Variants in CGA observed in about 807,000 individuals in gnomAD.
CGA encodes glycoprotein hormones, alpha polypeptide.
In CGA, 4 loss-of-function variants were observed where a neutral mutation model predicts 12.0. The observed-to-expected ratio is 0.33, with a 90% confidence interval of 0.16 to 0.76. The LOEUF (loss-of-function observed/expected upper bound fraction) is 0.76. Among genes scored for constraint, CGA ranks in the 30% least tolerant of loss-of-function variants. The probability of loss-of-function intolerance (pLI) is 0.60; values close to 1 mark genes in which losing one functional copy is unlikely to be tolerated. For synonymous variants in CGA, 60 were observed against 56.6 expected, an observed-to-expected ratio of 1.06 and a Z score of -0.27; for missense variants, 102 against 143.5, an observed-to-expected ratio of 0.71 and a Z score of 1.48.
At chr6:87,086,152 T>G (rs1582318357) in intron 3 of CGA, 98 bp downstream of exon 3, 153 of 1,083,870 alleles carry the variant, frequency 1.4e-4, no homozygotes, top group Admixed American at 4.5e-5. Context: ...AGAGGCTGGG[T>G]CATTAGACAC....
rs921992448 is a variant in CGA at position 87,088,128 on chromosome 6, C to T, written c.73G>A (p.Ala25Thr). Residue 25 changes from alanine to threonine, a missense_variant, in exon 2 of 4, where the codon GCT (alanine) becomes ACT (threonine). Transcript: ENST00000627148. Reference protein sequence around the residue: ...LSVFLHVLHSAPDVQDCPECT... With the variant: ...LSVFLHVLHSTPDVQDCPECT... The stretch of plus-strand genomic sequence containing the variant: ...GGTCACGCACCCTGCACATCAGGAG[C>T]GGAATGGAGAACATGCAGAAACACC... 1.3e-5 allele frequency: 21 copies of T among 1,592,074 alleles called. No homozygotes were observed. Among genetic ancestry groups the T allele is most frequent in the South Asian group, 3.4e-5 (3 of 88,610 alleles).
In CGA at chr6:87,086,328, T is replaced by C. The variant is rs781108998; in HGVS notation, c.195A>G (p.Leu65=). 25 of 1,613,978 alleles carry C rather than the reference T, an allele frequency of 1.5e-5. No individual in the cohort carries two copies. The Admixed American group carries it at 4.0e-4, about 26-fold the overall frequency. The change falls in exon 3 of 4, where the codon CTA becomes CTG. Residue 65 remains leucine (L), a synonymous_variant. Coordinates refer to ENST00000627148, the MANE Select transcript of CGA (RefSeq NM_000735.4). ...GGACCAACATCGTCTTCTTGGACCT[T>C]AGTGGAGTGGGATATGCTCTAGAGA... ...CCFSRAYPTP[L]RSKKTMLVQK... is the part of the protein sequence containing the mutation.
chr6:87,090,857 A>G (rs941580672), intron 1 of CGA, among the ~76,000 whole-genome samples: 28 of 148,702 alleles, frequency 1.9e-4, no homozygotes, highest in African/African-American at 7.0e-4. Context: ...CATATTGGCC[A>G]GGCTGGTCTC....
intron 1 of CGA, among the ~76,000 whole-genome samples, chr6:87,092,012 A>G (rs1769441487): frequency 2.0e-5 from 3 of 152,170 alleles, no homozygotes; most frequent in Admixed American, 2.0e-4. Context: ...CTCCGTCTCA[A>G]AAAGAAAGAA....
At chr6:87,089,449 G>A (rs1769389507) in intron 1 of CGA, among the ~76,000 whole-genome samples, 1 of 152,114 alleles carries the variant, frequency 6.6e-6, no homozygotes. Flanking sequence ...TATTCACCTT[G>A]TACTATAGTT....
intron 3 of CGA, 41 bp downstream of exon 3, chr6:87,086,205 CTGAT>C (rs1226246635): frequency 6.5e-7 from 1 of 1,534,776 alleles, no homozygotes; most frequent in South Asian, 1.2e-5. Context: ...GAACATTTCT[CTGAT>C]TGGGCTGTTA....
intron 1 of CGA, among the ~76,000 whole-genome samples, chr6:87,090,398 T>C (rs1216545718): frequency 6.6e-6 from 1 of 152,154 alleles, no homozygotes; most frequent in East Asian, 1.9e-4. Context: ...CATGAGAATT[T>C]AGCTATGTTC....
At chr6:87,093,129 T>A (rs1330191285) in intron 1 of CGA, among the ~76,000 whole-genome samples, 1 of 152,164 alleles carries the variant, frequency 6.6e-6, no homozygotes, top group Non-Finnish European at 1.5e-5. Flanking sequence ...TACACCTGTG[T>A]CATATATTAA....
chr6:87,088,083 A>C, intron 2 of CGA, 30 bp downstream of exon 2: 1 of 1,374,882 alleles, frequency 7.3e-7, no homozygotes, highest in Non-Finnish European at 1.0e-6. Context: ...TGTTGTCCTT[A>C]TTACTTGAAC....
chr6:87,091,124 A>G (rs1161081553), intron 1 of CGA, among the ~76,000 whole-genome samples: 2 of 152,216 alleles, frequency 1.3e-5, no homozygotes, highest in Non-Finnish European at 2.9e-5. Context: ...TATGCAGTGA[A>G]CAACTATATC....
At chr6:87,091,117 G>A (rs543131652) in intron 1 of CGA, among the ~76,000 whole-genome samples, 2 of 152,144 alleles carry the variant, frequency 1.3e-5, no homozygotes, top group Non-Finnish European at 2.9e-5. Flanking sequence ...CAGCCATTAT[G>A]CAGTGAACAA....
chr6:87,090,008 C>A (rs1435911818), intron 1 of CGA, among the ~76,000 whole-genome samples: 1 of 152,112 alleles, frequency 6.6e-6, no homozygotes, highest in Non-Finnish European at 1.5e-5. Context: ...AAATTAAAAT[C>A]TAAAACACCT....
chr6:87,089,038 G>A (rs1412878251), intron 1 of CGA: 1 of 152,160 alleles, frequency 6.6e-6, no homozygotes, highest in African/African-American at 2.4e-5. Flanking sequence ...TGATGGTATA[G>A]CCATACCATG....
At chr6:87,088,481 T>G (rs981439186) in intron 1 of CGA, among the ~76,000 whole-genome samples, 14 of 152,114 alleles carry the variant, frequency 9.2e-5, no homozygotes, top group African/African-American at 3.4e-4. Context: ...ATTCTCTTTT[T>G]AAATTCTTTA....
Position 87,085,647 on chromosome 6 carries a change from G to A in CGA, c.*109C>T, listed in dbSNP as rs771538711. On this transcript the variant is annotated 3_prime_UTR_variant, in exon 4 of 4. Coordinates refer to ENST00000627148, the MANE Select transcript of CGA (RefSeq NM_000735.4). ...TATATCCTTGAAGCGTGTCAAAGTG[G>A]TATGGTAAGGAAAAGGAGAGTTTTA... The A allele has an allele frequency of 1.3e-6, 1 of 745,718 alleles. No homozygotes were observed. The highest frequency in any genetic ancestry group is 2.1e-5 in the Admixed American group (1 of 47,946). The allele number at this position is 745,718 out of a possible 1,614,324, so 46.2% of individuals were successfully genotyped here. A position where few individuals can be genotyped will look rare whatever the true frequency, so the allele number is the denominator to read the frequency against.
At chr6:87,094,008 C>T (rs1204618140) in intron 1 of CGA, among the ~76,000 whole-genome samples, 2 of 152,090 alleles carry the variant, frequency 1.3e-5, no homozygotes, top group African/African-American at 4.8e-5. Flanking sequence ...GTATTACATG[C>T]AATTTGGTTG....
At chr6:87,086,040 CT>C in intron 3 of CGA, 1 of 646,660 alleles carries the variant, frequency 1.5e-6, no homozygotes, top group Non-Finnish European at 2.7e-6. Context: ...ACCTCTACCC[CT>C]ATTCTCCTCA....
At chr6:87,086,101 A>T in intron 3 of CGA, 149 bp downstream of exon 3, 1 of 718,358 alleles carries the variant, frequency 1.4e-6, no homozygotes, top group Non-Finnish European at 2.4e-6. Context: ...TCTTTTAATT[A>T]ATGGGTAGAA....
intron 3 of CGA, 145 bp downstream of exon 3, chr6:87,086,105 G>A (rs1256229463): frequency 6.8e-6 from 5 of 731,346 alleles, no homozygotes; most frequent in Non-Finnish European, 1.2e-5. Context: ...TTAATTAATG[G>A]GTAGAAATGT....
Sources: allele counts gnomAD v4.1 joint callset (sites outside exome capture counted in the v4.1 genomes callset), GRCh38; gene constraint gnomAD v4.1.1; transcripts MANE v1.5; gene names NCBI Gene and HGNC (gene_info 2026-07-23, HGNC 2026-07-21).